The following MCTP2 variants were observed in gnomAD, a reference collection of about 807,000 sequenced individuals.
MCTP2 encodes the protein multiple C2 and transmembrane domain-containing protein 2.
MCTP2 carries 132 observed loss-of-function variants against 111.6 expected under a neutral mutation model. The ratio of observed to expected loss-of-function variants is 1.18; its 90% CI spans 1.03 to 1.37. The LOEUF (loss-of-function observed/expected upper bound fraction) is 1.37, where lower values mean the gene tolerates loss of function less well. Ranked by LOEUF, MCTP2 falls within the 40% of genes most tolerant of loss-of-function variation. The pLI, the probability that MCTP2 is intolerant of heterozygous loss-of-function variation, is 0.00. For synonymous variants in MCTP2, 395 were observed against 387.7 expected (o/e 1.02, Z -0.22); for missense variants, 1,183 against 1,067.9 (o/e 1.11, Z -1.50).
At chr15:94,426,874 A>G (rs1344803928) in intron 17 of MCTP2, among the ~76,000 whole-genome samples, 1 of 152,160 alleles carries the variant, frequency 6.6e-6, no homozygotes, top group Non-Finnish European at 1.5e-5. Flanking sequence ...TTAAGGATTC[A>G]TCTATTTCTA....
rs749515615 is a variant in MCTP2 at position 94,401,971 on chromosome 15, A to G, written c.2037A>G (p.Lys679=). The change falls in exon 17 of 23, where the codon AAA becomes AAG. Residue 679 remains lysine (K), a synonymous_variant. Coordinates refer to ENST00000357742, the MANE Select transcript of MCTP2 (RefSeq NM_001385001.1). ...MAIWNTMQFL[K]SCFQWESTLR... is the part of the protein sequence containing the mutation. Reference sequence around the variant, plus strand: ...TATGGAATACAATGCAGTTCCTTAAAAGCTGCTTCCAGTGGGAATCCACAT... The same window carrying G: ...TATGGAATACAATGCAGTTCCTTAAGAGCTGCTTCCAGTGGGAATCCACAT... 6.2e-7 allele frequency: 1 copy of G among 1,613,506 alleles called. No homozygotes were observed. Among genetic ancestry groups the G allele is most frequent in the Non-Finnish European group, 8.5e-7 (1 of 1,179,516 alleles).
rs542033892 is a variant in MCTP2, at chr15:94,244,170, A to T, written c.-66+12506A>T. ...TGTATATGTTTATATACACGTGTAT[A>T]CACATACGTATGTGTATATGTTTAT... On this transcript the variant is annotated intron_variant, in intron 1 of 22. Coordinates refer to ENST00000357742, the MANE Select transcript of MCTP2 (RefSeq NM_001385001.1). Among the ~76,000 whole-genome samples, 100 of 147,342 alleles carry T rather than the reference A, an allele frequency of 6.8e-4. 2 individuals carry two copies. The highest frequency in any genetic ancestry group is 8.3e-3 in the Middle Eastern group (1 of 120).
Position 94,458,247 on chromosome 15 carries a change from G to A in MCTP2, c.2360+1G>A. 1 of 1,571,296 alleles carries A rather than the reference G, an allele frequency of 6.4e-7. No homozygotes were observed. The highest frequency in any genetic ancestry group is 8.8e-7 in the Non-Finnish European group (1 of 1,141,156). On this transcript the variant is annotated splice_donor_variant, in intron 20 of 22. Transcript: ENST00000357742. LOFTEE classifies it high-confidence loss of function. ...CTTCTTTTGGAGAAAGGATTAAGAA[G>A]TAAGTTCTAAATTTGTGTTGTGGTG...
intron 1 of MCTP2, among the ~76,000 whole-genome samples, chr15:94,243,209 A>G (rs1285108644): frequency 1.3e-5 from 2 of 148,524 alleles, no homozygotes; most frequent in Non-Finnish European, 3.0e-5. Flanking sequence ...ATGCGTATAT[A>G]CGTATATACA....
Position 94,402,448 on chromosome 15 carries a change from G to T in MCTP2, c.2085+429G>T, listed in dbSNP as rs986467994. On this transcript the variant is annotated intron_variant, in intron 17 of 22. Transcript: ENST00000357742. The stretch of plus-strand genomic sequence containing the variant: ...GATGTTTATTCATTTCAAGCCAGTT[G>T]GGACATACTGATCATTACACATTGC... 3 of 1,549,632 alleles carry T rather than the reference G, an allele frequency of 1.9e-6. No homozygotes were observed. In the Admixed American group the frequency reaches 5.9e-5, roughly 31 times the overall value.
In MCTP2 at chr15:94,448,897, T is replaced by C. The variant is rs1169486446; in HGVS notation, c.2250+5937T>C. ...CTCTACTAAAAATACAAAAATTATC[T>C]GGGCATGGTGGCGCACACCTGTAGT... On this transcript the variant is annotated intron_variant, in intron 19 of 22. Coordinates refer to ENST00000357742, the MANE Select transcript of MCTP2 (RefSeq NM_001385001.1). 3.3e-5 allele frequency among the ~76,000 whole-genome samples: 5 copies of C among 152,240 alleles called. No homozygotes were observed. The East Asian group carries it at 7.7e-4, about 24-fold the overall frequency.
At position 94,481,032 on chromosome 15, in the gene MCTP2, TGTAA is replaced by T. The variant is rs1327384033; in HGVS notation, c.*2001_*2004del. 6.6e-6 allele frequency: 1 copy of T among 152,222 alleles called. No individual in the cohort carries two copies. The highest frequency in any genetic ancestry group is 2.4e-5 in the African/African-American group (1 of 41,464). 9.4% of individuals were successfully genotyped at this position (152,222 alleles called of 1,614,324 possible). A position where few individuals can be genotyped will look rare whatever the true frequency, so the allele number is the denominator to read the frequency against. On this transcript the variant is annotated 3_prime_UTR_variant, in exon 23 of 23. Coordinates refer to ENST00000357742, the MANE Select transcript of MCTP2 (RefSeq NM_001385001.1). ...ATGTTTGTTAGAAAGGAATGTTAGT[TGTAA>T]GTGACATGTTAAGATTTATACAATT...
intron 1 of MCTP2, among the ~76,000 whole-genome samples, chr15:94,274,189 AAAAG>A (rs1264961935): frequency 6.6e-6 from 1 of 150,768 alleles, no homozygotes; most frequent in Non-Finnish European, 1.5e-5. Flanking sequence ...GCTCTAAAAA[AAAAG>A]AAATCAGGAA....
chr15:94,304,891 G>A (rs530890299), intron 2 of MCTP2, among the ~76,000 whole-genome samples: 20 of 152,134 alleles, frequency 1.3e-4, no homozygotes, highest in African/African-American at 1.9e-4. Flanking sequence ...GCTTCCTGGC[G>A]TGACCTCTCC....
chr15:94,277,693 A>G (rs1357744812), intron 1 of MCTP2, among the ~76,000 whole-genome samples: 1 of 152,116 alleles, frequency 6.6e-6, no homozygotes, highest in Non-Finnish European at 1.5e-5. Context: ...TGAATGGACA[A>G]AGCAGGGGAT....
At chr15:94,416,250 A>C (rs1460805218) in intron 17 of MCTP2, among the ~76,000 whole-genome samples, 1 of 151,860 alleles carries the variant, frequency 6.6e-6, no homozygotes, top group Non-Finnish European at 1.5e-5. Flanking sequence ...TGGGTGTAGA[A>C]GGATTTTTTT....
At chr15:94,315,874 A>G (rs1382292464) in intron 4 of MCTP2, among the ~76,000 whole-genome samples, 1 of 152,238 alleles carries the variant, frequency 6.6e-6, no homozygotes, top group Non-Finnish European at 1.5e-5. Context: ...GTTGTTTTAG[A>G]ATGGAATGAG....
At chr15:94,284,683 G>C (rs1235236928) in intron 1 of MCTP2, among the ~76,000 whole-genome samples, 1 of 152,222 alleles carries the variant, frequency 6.6e-6, no homozygotes, top group Admixed American at 6.5e-5. Flanking sequence ...TCGTCTGCTA[G>C]GGAATGGTGG....
intron 10 of MCTP2, among the ~76,000 whole-genome samples, 175 bp from the exon 11 acceptor site, chr15:94,367,430 G>A (rs867820990): frequency 6.6e-6 from 1 of 152,154 alleles, no homozygotes; most frequent in Non-Finnish European, 1.5e-5. Context: ...ATTTTAGAGT[G>A]TGTTAGGCTG....
chr15:94,246,656 A>T (rs1428447372), intron 1 of MCTP2, among the ~76,000 whole-genome samples: 1 of 152,186 alleles, frequency 6.6e-6, no homozygotes, highest in African/African-American at 2.4e-5. Flanking sequence ...AATCATTCTA[A>T]GCCTTTGTTC....
chr15:94,383,690 C>T (rs548731088), intron 12 of MCTP2, among the ~76,000 whole-genome samples: 14 of 152,214 alleles, frequency 9.2e-5, no homozygotes, highest in African/African-American at 2.2e-4. Context: ...TGGGGGAAAC[C>T]GCCCCCATGA....
At chr15:94,295,169 C>T (rs979774779) in intron 1 of MCTP2, among the ~76,000 whole-genome samples, 3 of 151,808 alleles carry the variant, frequency 2.0e-5, no homozygotes, top group Admixed American at 6.6e-5. Flanking sequence ...AGGCTGGTCT[C>T]GAACTCCTGA....
At chr15:94,341,317 A>G (rs1381130420) in intron 7 of MCTP2, 2 of 168,628 alleles carry the variant, frequency 1.2e-5, no homozygotes, top group Non-Finnish European at 2.6e-5. Flanking sequence ...GATGTCTGTA[A>G]CATCAGTGAA....
chr15:94,252,864 TC>T (rs1009486021), intron 1 of MCTP2, among the ~76,000 whole-genome samples: 5 of 152,188 alleles, frequency 3.3e-5, no homozygotes, highest in African/African-American at 1.2e-4. Flanking sequence ...ATTTACAATT[TC>T]TACTTATTTA....
Sources: allele counts gnomAD v4.1 joint callset (sites outside exome capture counted in the v4.1 genomes callset), GRCh38; gene constraint gnomAD v4.1.1; transcripts MANE v1.5; gene names NCBI Gene and HGNC (gene_info 2026-07-23, HGNC 2026-07-21).